MOK: variants seen among roughly 807,000 people sequenced by gnomAD.
MOK encodes MOK protein kinase, also known as MAPK/MAK/MRK overlapping kinase.
Under a neutral mutation model 54.2 loss-of-function variants are expected in MOK, and 59 were observed. That is an observed-to-expected ratio of 1.09 (90% CI 0.88 to 1.35). MOK has a LOEUF of 1.35. MOK is among the 40% of genes most tolerant of loss of function. MOK has a pLI of 0.00. For missense variants in MOK, 517 were observed against 526.2 expected, an observed-to-expected ratio of 0.98 and a Z score of 0.17; for synonymous variants, 210 against 202.7, an observed-to-expected ratio of 1.04 and a Z score of -0.31.
chr14:102,262,160 T>C (rs1456483614), intron 4 of MOK, among the ~76,000 whole-genome samples: 2 of 151,864 alleles, frequency 1.3e-5, no homozygotes, highest in Non-Finnish European at 2.9e-5. Flanking sequence ...TATTTTTATT[T>C]TTTGAGACAG....
chr14:102,287,642 A>G (rs1017847679), intron 1 of MOK, among the ~76,000 whole-genome samples: 1 of 152,162 alleles, frequency 6.6e-6, no homozygotes, highest in Non-Finnish European at 1.5e-5. Flanking sequence ...ATCATCAGTC[A>G]TTAGGGAAAA....
chr14:102,277,132 T>A (rs1418227378), intron 2 of MOK, among the ~76,000 whole-genome samples: 2 of 148,292 alleles, frequency 1.3e-5, no homozygotes, highest in Non-Finnish European at 3.0e-5. Context: ...GCTCAAGCAA[T>A]CCTCACGCCT....
At chr14:102,278,288 A>T (rs1331444164) in intron 2 of MOK, among the ~76,000 whole-genome samples, 2 of 152,146 alleles carry the variant, frequency 1.3e-5, no homozygotes, top group Non-Finnish European at 2.9e-5. Flanking sequence ...TAGATTAAAT[A>T]AAAATAGCAG....
At chr14:102,259,228 T>C (rs2067202233) in intron 4 of MOK, among the ~76,000 whole-genome samples, 1 of 152,234 alleles carries the variant, frequency 6.6e-6, no homozygotes, top group Non-Finnish European at 1.5e-5. Flanking sequence ...ATTATTATCT[T>C]ATTCTTTAGT....
chr14:102,263,062 A>G (rs1458083081), intron 4 of MOK, among the ~76,000 whole-genome samples: 1 of 152,254 alleles, frequency 6.6e-6, no homozygotes, highest in Non-Finnish European at 1.5e-5. Flanking sequence ...TCTCTTAAAC[A>G]GTGCTTTATT....
At chr14:102,304,177 T>C (rs748620675) in intron 1 of MOK, among the ~76,000 whole-genome samples, 3 of 152,214 alleles carry the variant, frequency 2.0e-5, no homozygotes, top group Non-Finnish European at 4.4e-5. Context: ...AAATTTAACA[T>C]TATAACTACT....
chr14:102,214,639 C>T, the MOK span: 7,023 of 984,420 alleles, frequency 7.1e-3, 32 homozygotes, highest in Non-Finnish European at 7.9e-3. Flanking sequence ...TTATGTTAGG[C>T]GACACTGTAT....
chr14:102,229,371 C>A lies in MOK; in HGVS notation c.1183-5G>T. 6.2e-7 allele frequency: 1 copy of A among 1,614,180 alleles called. No individual in the cohort carries two copies. On this transcript the variant is annotated splice_polypyrimidine_tract_variant and splice_region_variant and intron_variant, in intron 11 of 11. Coordinates refer to ENST00000361847, the MANE Select transcript of MOK (RefSeq NM_014226.3). ...AAGGTCCTTCTGCGGATCTGTCTGT[C>A]AAAGAAAAATTACAGACACAAAATT... is the stretch of plus-strand genomic sequence containing the variant.
At chr14:102,265,179 A>G (rs1362312454) in intron 3 of MOK, among the ~76,000 whole-genome samples, 1 of 152,268 alleles carries the variant, frequency 6.6e-6, no homozygotes, top group Non-Finnish European at 1.5e-5. Flanking sequence ...ATGAGAATGT[A>G]CAATCCCTGA....
At position 102,278,937 on chromosome 14, in the gene MOK, C is replaced by T. The variant is rs1195700522; in HGVS notation, c.122+4541G>A. Among the ~76,000 whole-genome samples, 10 of 152,216 alleles carry T rather than the reference C, an allele frequency of 6.6e-5. No homozygotes were observed. The East Asian group carries it at 1.9e-3, about 29-fold the overall frequency. Reference sequence around the variant, plus strand: ...TTTATTACGGTGTGCCAGCACTGCACTAAGTGCTTCATCTGCATTATTTAA... The same window carrying T: ...TTTATTACGGTGTGCCAGCACTGCATTAAGTGCTTCATCTGCATTATTTAA... On this transcript the variant is annotated intron_variant, in intron 2 of 11. Coordinates refer to ENST00000361847, the MANE Select transcript of MOK (RefSeq NM_014226.3).
the MOK span, among the ~76,000 whole-genome samples, chr14:102,216,700 C>T: frequency 6.6e-6 from 1 of 152,136 alleles, no homozygotes; most frequent in Non-Finnish European, 1.5e-5. Context: ...GAGGCCGAGG[C>T]GGGTGGATCA....
At chr14:102,229,431 C>A (rs1300668041) in intron 11 of MOK, 26 bp downstream of exon 11, 1 of 1,613,946 alleles carries the variant, frequency 6.2e-7, no homozygotes, top group Non-Finnish European at 8.5e-7. Flanking sequence ...AGAGCAGCGC[C>A]GTCAGAGAAG....
chr14:102,268,245 G>A (rs1034516233), intron 2 of MOK, among the ~76,000 whole-genome samples: 1 of 152,010 alleles, frequency 6.6e-6, no homozygotes, highest in African/African-American at 2.4e-5. Flanking sequence ...GAGAAATAAT[G>A]AGCTAAGACA....
chr14:102,227,724 G>A (rs1463669828), downstream of MOK, among the ~76,000 whole-genome samples: 1 of 152,090 alleles, frequency 6.6e-6, no homozygotes, highest in Non-Finnish European at 1.5e-5. Context: ...TGTGCCCACG[G>A]ACTCGCTGCC....
chr14:102,282,835 T>A (rs2069592651), intron 2 of MOK, among the ~76,000 whole-genome samples: 1 of 152,094 alleles, frequency 6.6e-6, no homozygotes, highest in East Asian at 1.9e-4. Context: ...GCGGATCACT[T>A]GAGGCCAAGG....
intron 1 of MOK, among the ~76,000 whole-genome samples, chr14:102,289,622 T>C (rs1425580540): frequency 6.6e-6 from 1 of 152,198 alleles, no homozygotes; most frequent in Non-Finnish European, 1.5e-5. Context: ...CCCAAGTAGC[T>C]GGGATTACAG....
In MOK at chr14:102,230,510, A is replaced by C. The variant is rs2064584397; in HGVS notation, c.982-853T>G. ...CAGCAAAGCAGGGAGTGTAACGAAC[A>C]CCCCACGGCCACGGGGCCTAAAATA... On this transcript the variant is annotated intron_variant, in intron 10 of 11. Transcript: ENST00000361847. The surrounding 1 kb of genome is among the most constrained non-coding windows in gnomAD (Gnocchi z 4.1). 6.6e-6 allele frequency: 1 copy of C among 152,214 alleles called. No individual in the cohort carries two copies. Among genetic ancestry groups the C allele is most frequent in the Admixed American group, 6.5e-5 (1 of 15,284 alleles). The allele number at this position is 152,214 out of a possible 1,614,324, so 9.4% of individuals were successfully genotyped here. A position where few individuals can be genotyped will look rare whatever the true frequency, so the allele number is the denominator to read the frequency against.
At chr14:102,270,958 G>A (rs1043362171) in intron 2 of MOK, among the ~76,000 whole-genome samples, 3 of 152,124 alleles carry the variant, frequency 2.0e-5, no homozygotes, top group South Asian at 2.1e-4. Context: ...TTGGGAGGCC[G>A]AGACGGGTGG....
intron 4 of MOK, among the ~76,000 whole-genome samples, chr14:102,252,510 C>T (rs538387819): frequency 2.0e-5 from 3 of 152,100 alleles, no homozygotes; most frequent in Non-Finnish European, 2.9e-5. Flanking sequence ...ATAGCACATA[C>T]ATTTTTAATG....
Sources: gnomAD v4.1 joint callset for allele counts (sites outside exome capture counted in the v4.1 genomes callset) on GRCh38, gnomAD v4.1.1 for gene constraint, Gnocchi (gnomAD v3.1) non-coding constraint, MANE v1.5 for transcripts, NCBI Gene and HGNC (gene_info 2026-07-23, HGNC 2026-07-21) for gene names.